The following LRP1B variants were observed in gnomAD, a reference collection of about 807,000 sequenced individuals.
LRP1B encodes LDL receptor related protein 1B.
LRP1B carries 217 observed loss-of-function variants against 556.6 expected under a neutral mutation model. The ratio of observed to expected loss-of-function variants is 0.39; its 90% CI spans 0.35 to 0.44. LRP1B has a LOEUF of 0.44. Among genes scored for constraint, LRP1B ranks in the 20% least tolerant of loss-of-function variants. LRP1B has a pLI of 1.00. For synonymous variants in LRP1B, 2,047 were observed against 1,865.8 expected, an observed-to-expected ratio of 1.10 and a Z score of -2.50; for missense variants, 5,053 against 5,620.8, an observed-to-expected ratio of 0.90 and a Z score of 3.23.
chr2:140,938,721 T>A (rs1012658833), intron 20 of LRP1B, among the ~76,000 whole-genome samples: 2 of 152,068 alleles, frequency 1.3e-5, no homozygotes, highest in Middle Eastern at 3.2e-3. Flanking sequence ...TTAAATGAAG[T>A]AACAAATATA....
chr2:140,753,900 C>G (rs1455138721), intron 35 of LRP1B, among the ~76,000 whole-genome samples: 2 of 152,116 alleles, frequency 1.3e-5, no homozygotes, highest in African/African-American at 2.4e-5. Flanking sequence ...CTTCCTCCAC[C>G]CATCCTGTAC....
intron 35 of LRP1B, among the ~76,000 whole-genome samples, chr2:140,725,184 C>T (rs1687548461): frequency 6.6e-6 from 1 of 152,122 alleles, no homozygotes; most frequent in African/African-American, 2.4e-5. Context: ...CCATCTTCTA[C>T]CTTTTCAAAA....
chr2:140,507,533 C>T (rs1449080070), intron 52 of LRP1B, among the ~76,000 whole-genome samples: 1 of 152,184 alleles, frequency 6.6e-6, no homozygotes, highest in Non-Finnish European at 1.5e-5. Context: ...AATATTGACC[C>T]TTTAGGAATA....
chr2:142,085,198 C>T (rs72994105), intron 1 of LRP1B, among the ~76,000 whole-genome samples: 2,948 of 152,250 alleles, frequency 0.019, 72 homozygotes, highest in East Asian at 0.063. Context: ...ATCTCTTCAC[C>T]TAGTTTTTCT....
intron 85 of LRP1B, among the ~76,000 whole-genome samples, chr2:140,271,982 A>G (rs1484487731): frequency 1.3e-5 from 2 of 151,934 alleles, no homozygotes; most frequent in East Asian, 1.9e-4. Flanking sequence ...TTTCTACAAA[A>G]AAAAGATAAC....
chr2:141,429,274 T>A (rs1218949455), intron 3 of LRP1B, among the ~76,000 whole-genome samples: 1 of 152,178 alleles, frequency 6.6e-6, no homozygotes, highest in Non-Finnish European at 1.5e-5. Context: ...CACTTATAAT[T>A]AAGAGACATT....
chr2:140,444,757 A>C lies in LRP1B; in HGVS notation c.10058-78T>G, dbSNP rs745812146. The C allele has an allele frequency of 3.6e-6, 3 of 823,832 alleles. No homozygotes were observed. In the African/African-American group the frequency reaches 5.1e-5, roughly 14 times the overall value. The allele number at this position is 823,832 out of a possible 1,614,324, so 51.0% of individuals were successfully genotyped here. ...TTAAACATAGAGTTTCTGACATTCA[A>C]GATATTTACTATAATAAATATATCC... On this transcript the variant is annotated intron_variant, in intron 63 of 90. Coordinates refer to ENST00000389484, the MANE Select transcript of LRP1B (RefSeq NM_018557.3).
At chr2:142,110,318 A>G (rs1291122124) in intron 1 of LRP1B, among the ~76,000 whole-genome samples, 1 of 152,134 alleles carries the variant, frequency 6.6e-6, no homozygotes, top group Non-Finnish European at 1.5e-5. Flanking sequence ...AATCAGAAAA[A>G]TCTTTATTTT....
Position 141,854,893 on chromosome 2 carries a change from TA to T in LRP1B, c.83-44493del, listed in dbSNP as rs201376311. ...CTTTTGATAGACAGATAAAAAGTCC[TA>T]AAAAAAATAGGCCTAGGCTTTGTAA... On this transcript the variant is annotated intron_variant, in intron 1 of 90. Transcript: ENST00000389484. Among the ~76,000 whole-genome samples, 1,200 of 151,812 alleles carry T rather than the reference TA, an allele frequency of 7.9e-3. 23 individuals are homozygous for T. The highest frequency in any genetic ancestry group is 0.027 in the African/African-American group (1,134 of 41,442).
chr2:141,947,675 C>G (rs1472425384), intron 1 of LRP1B, among the ~76,000 whole-genome samples: 1 of 151,880 alleles, frequency 6.6e-6, no homozygotes, highest in Non-Finnish European at 1.5e-5. Context: ...GGATTCCTTC[C>G]CATTCCAGGC....
rs181961600 is a variant in LRP1B at position 141,338,276 on chromosome 2, T to C, written c.344-83635A>G. Among the ~76,000 whole-genome samples the C allele has an allele frequency of 2.1e-3, 327 of 152,202 alleles. 6 individuals are homozygous for C. The Middle Eastern group carries it at 0.037, about 17-fold the overall frequency. ...GAAGCCACTGCCACCATAAGCTCAATTGGGAGCCAAGACACAGATAATAGA... is the reference window on the plus strand; with the variant it reads ...GAAGCCACTGCCACCATAAGCTCAACTGGGAGCCAAGACACAGATAATAGA... On this transcript the variant is annotated intron_variant, in intron 3 of 90. Coordinates refer to ENST00000389484, the MANE Select transcript of LRP1B (RefSeq NM_018557.3).
intron 6 of LRP1B, among the ~76,000 whole-genome samples, chr2:141,192,775 T>C (rs1396101157): frequency 6.6e-6 from 1 of 151,866 alleles, no homozygotes; most frequent in Non-Finnish European, 1.5e-5. Flanking sequence ...ACTCTAAATA[T>C]CAACATTGGC....
At chr2:140,248,087 C>T (rs534240140) in intron 86 of LRP1B, among the ~76,000 whole-genome samples, 14 of 151,726 alleles carry the variant, frequency 9.2e-5, no homozygotes, top group Admixed American at 3.3e-4. Flanking sequence ...GTGGGCCAAA[C>T]TAAATAACTG....
chr2:140,615,724 C>T (rs886830365), intron 41 of LRP1B, among the ~76,000 whole-genome samples: 2 of 151,832 alleles, frequency 1.3e-5, no homozygotes, highest in Non-Finnish European at 2.9e-5. Context: ...ATTCCATTTG[C>T]TTTGAACAAA....
At chr2:141,089,733 G>C (rs866856602) in intron 7 of LRP1B, among the ~76,000 whole-genome samples, 1 of 152,210 alleles carries the variant, frequency 6.6e-6, no homozygotes, top group Middle Eastern at 3.4e-3. Flanking sequence ...ACCTCCCATC[G>C]AACCAGTAAA....
At chr2:141,110,834 C>T (rs544312414) in intron 7 of LRP1B, among the ~76,000 whole-genome samples, 2 of 152,242 alleles carry the variant, frequency 1.3e-5, no homozygotes, top group East Asian at 3.9e-4. Flanking sequence ...TCTGAGAAGG[C>T]TTATTTTGAT....
intron 1 of LRP1B, among the ~76,000 whole-genome samples, chr2:142,091,658 TACTC>T (rs1249071985): frequency 5.9e-5 from 9 of 152,168 alleles, no homozygotes; most frequent in Non-Finnish European, 1.3e-4. Context: ...ATGCCACTAA[TACTC>T]ACCATAGACA....
chr2:140,512,563 T>C (rs1689713793), intron 51 of LRP1B, among the ~76,000 whole-genome samples: 1 of 152,164 alleles, frequency 6.6e-6, no homozygotes, highest in South Asian at 2.1e-4. Context: ...CATACCTCTG[T>C]CATAGTTAAT....
At chr2:140,691,034 T>C (rs1686218481) in intron 41 of LRP1B, among the ~76,000 whole-genome samples, 1 of 152,184 alleles carries the variant, frequency 6.6e-6, no homozygotes, top group African/African-American at 2.4e-5. Context: ...ACTATATGCA[T>C]TCTAAAAGTT....
Sources: gnomAD v4.1 joint callset for allele counts (sites outside exome capture counted in the v4.1 genomes callset) on GRCh38, gnomAD v4.1.1 for gene constraint, MANE v1.5 for transcripts, NCBI Gene and HGNC (gene_info 2026-07-23, HGNC 2026-07-21) for gene names.